CPT1A: variants seen among roughly 807,000 people sequenced by gnomAD.
CPT1A encodes the protein carnitine palmitoyltransferase 1A.
Under a neutral mutation model 100.8 loss-of-function variants are expected in CPT1A, and 64 were observed. That is an observed-to-expected ratio of 0.63 (90% CI 0.52 to 0.78). The LOEUF (loss-of-function observed/expected upper bound fraction) is 0.78. CPT1A is among the 30% of genes least tolerant of loss of function. The probability of loss-of-function intolerance (pLI) is 0.00; values close to 1 mark genes in which losing one functional copy is unlikely to be tolerated. For missense variants in CPT1A, 802 were observed against 1,034.1 expected, an observed-to-expected ratio of 0.78 and a Z score of 3.08; for synonymous variants, 363 against 396.0, an observed-to-expected ratio of 0.92 and a Z score of 0.99.
chr11:68,816,198 T>A (rs561485053), intron 1 of CPT1A, among the ~76,000 whole-genome samples: 1 of 151,692 alleles, frequency 6.6e-6, no homozygotes, highest in Non-Finnish European at 1.5e-5. Context: ...ACGACAGCCC[T>A]AGACTCTGAA....
chr11:68,794,944 T>C lies in CPT1A; in HGVS notation c.772-33A>G, dbSNP rs79345832. ...GCGACAAAGGTGGAGAGAATTTGCA[T>C]AGGGAAAGATAAGCAAATTTAAATA... On this transcript the variant is annotated intron_variant, in intron 7 of 18. Transcript: ENST00000265641. 3,437 of 1,549,182 alleles carry C rather than the reference T, an allele frequency of 2.2e-3. 56 individuals are homozygous for C. In the African/African-American group the frequency reaches 0.038, roughly 17 times the overall value.
Position 68,799,105 on chromosome 11 carries a change from G to A in CPT1A, c.693+113C>T. On this transcript the variant is annotated intron_variant, in intron 6 of 18. Coordinates refer to ENST00000265641, the MANE Select transcript of CPT1A (RefSeq NM_001876.4). ...AAAACTATAGCTGGAACTTCCTAGGGTGTGATTTTGGCTAATCCAAACTGT... is the reference window on the plus strand; with the variant it reads ...AAAACTATAGCTGGAACTTCCTAGGATGTGATTTTGGCTAATCCAAACTGT... The A allele has an allele frequency of 5.5e-6, 5 of 914,680 alleles. No homozygotes were observed. The South Asian group carries it at 6.9e-5, about 13-fold the overall frequency. 56.7% of individuals were successfully genotyped at this position (914,680 alleles called of 1,614,324 possible).
intron 1 of CPT1A, among the ~76,000 whole-genome samples, chr11:68,838,574 A>AAAAAAAAAAAAAAAC (rs1566394838): frequency 3.6e-5 from 5 of 138,650 alleles, no homozygotes; most frequent in Non-Finnish European, 7.7e-5. Context: ...CACCTTTTTA[A>AAAAAAAAAAAAAAAC]AAAAAAAAAA....
intron 9 of CPT1A, 53 bp from the exon 10 acceptor site, chr11:68,785,063 G>C: frequency 1.3e-6 from 2 of 1,532,068 alleles, no homozygotes; most frequent in Non-Finnish European, 1.8e-6. Context: ...AGTTCAGCAC[G>C]TGCTGAGACG....
intron 16 of CPT1A, 46 bp from the exon 17 acceptor site, chr11:68,760,384 G>A (rs117013033): frequency 1.5e-5 from 22 of 1,471,440 alleles, no homozygotes; most frequent in East Asian, 9.4e-5. Flanking sequence ...CTCCTCTACC[G>A]TCCCTCAGGA....
chr11:68,786,010 A>G, intron 9 of CPT1A: 2 of 702,378 alleles, frequency 2.8e-6, no homozygotes, highest in Non-Finnish European at 5.2e-6. Context: ...GGGGATGCAC[A>G]GTGACAGCTG....
Position 68,780,239 on chromosome 11 carries a change from G to A in CPT1A, c.1458+401C>T, listed in dbSNP as rs563553206. 5.9e-5 allele frequency among the ~76,000 whole-genome samples: 9 copies of A among 152,230 alleles called. No individual in the cohort carries two copies. In the East Asian group the frequency reaches 1.7e-3, roughly 29 times the overall value. ...TGAAAAATTCATATTCTATAATCAC[G>A]CAAATATTACAAAACTAAATTGACT... On this transcript the variant is annotated intron_variant, in intron 12 of 18. Coordinates refer to ENST00000265641, the MANE Select transcript of CPT1A (RefSeq NM_001876.4).
At chr11:68,772,520 G>A (rs534755883) in intron 14 of CPT1A, among the ~76,000 whole-genome samples, 3 of 151,950 alleles carry the variant, frequency 2.0e-5, no homozygotes, top group Non-Finnish European at 4.4e-5. Flanking sequence ...GTTGCCAGGT[G>A]CAAGCCAAAA....
chr11:68,766,645 C>A (rs896675147), intron 14 of CPT1A, among the ~76,000 whole-genome samples: 1 of 151,874 alleles, frequency 6.6e-6, no homozygotes, highest in Non-Finnish European at 1.5e-5. Flanking sequence ...GCCACCACGC[C>A]CAGCTAATTT....
chr11:68,809,965 G>A (rs1470042797), intron 3 of CPT1A, among the ~76,000 whole-genome samples: 1 of 152,202 alleles, frequency 6.6e-6, no homozygotes. Flanking sequence ...ATCACTTGAG[G>A]TCAGGAGTTC....
intron 5 of CPT1A, 85 bp downstream of exon 5, chr11:68,803,915 C>T (rs1855975475): frequency 7.5e-6 from 8 of 1,070,084 alleles, no homozygotes; most frequent in South Asian, 1.3e-5. Context: ...AGCCAAATGG[C>T]GGTGACCTAG....
chr11:68,778,023 GC>G (rs1855186991), intron 12 of CPT1A, among the ~76,000 whole-genome samples: 1 of 152,080 alleles, frequency 6.6e-6, no homozygotes, highest in South Asian at 2.1e-4. Flanking sequence ...AATATTGGCT[GC>G]TTTTTATCAG....
chr11:68,781,643 G>T, intron 11 of CPT1A, 128 bp downstream of exon 11: 1 of 894,616 alleles, frequency 1.1e-6, no homozygotes, highest in South Asian at 1.3e-5. Context: ...AAATAAAACT[G>T]AAGGTTATAT....
Position 68,790,610 on chromosome 11 carries a change from C to T in CPT1A, c.967+2705G>A, listed in dbSNP as rs546037167. On this transcript the variant is annotated intron_variant, in intron 9 of 18. Coordinates refer to ENST00000265641, the MANE Select transcript of CPT1A (RefSeq NM_001876.4). ...TCCCCCAGAGCCTTTGAAAAGAGCA[C>T]GGCCCTGCTGACACCTTGATCTCGG... Among the ~76,000 whole-genome samples the T allele has an allele frequency of 7.2e-4, 109 of 152,228 alleles. No individual in the cohort carries two copies. In the South Asian group the frequency reaches 0.021, roughly 30 times the overall value.
chr11:68,839,503 C>T, intron 1 of CPT1A: 1 of 985,322 alleles, frequency 1.0e-6, no homozygotes, highest in Non-Finnish European at 1.2e-6. Context: ...AGCGAGTTGG[C>T]GCGCGTCCCT....
In CPT1A at chr11:68,829,596, G is replaced by A. The variant is rs528146626; in HGVS notation, c.-14+12179C>T. 1.8e-3 allele frequency among the ~76,000 whole-genome samples: 267 copies of A among 152,296 alleles called. 3 individuals are homozygous for A. The highest frequency in any genetic ancestry group is 5.8e-3 in the African/African-American group (242 of 41,572). ...AAAATACAGAAAAATACAGATGGATGAAAAGGGAACTTAACCTCTCCCCTG... is the reference window on the plus strand; with the variant it reads ...AAAATACAGAAAAATACAGATGGATAAAAAGGGAACTTAACCTCTCCCCTG... On this transcript the variant is annotated intron_variant, in intron 1 of 18. Coordinates refer to ENST00000265641, the MANE Select transcript of CPT1A (RefSeq NM_001876.4).
chr11:68,783,106 G>A (rs1022918265), intron 10 of CPT1A, among the ~76,000 whole-genome samples: 3 of 152,042 alleles, frequency 2.0e-5, no homozygotes, highest in Admixed American at 6.6e-5. Flanking sequence ...AGCAGATACC[G>A]AACAACGCCG....
chr11:68,800,767 A>G (rs1855885725), intron 5 of CPT1A, among the ~76,000 whole-genome samples: 1 of 152,172 alleles, frequency 6.6e-6, no homozygotes, highest in Admixed American at 6.5e-5. Flanking sequence ...TGCAACAGTA[A>G]TCTCTCTATA....
intron 14 of CPT1A, among the ~76,000 whole-genome samples, chr11:68,770,646 C>G (rs991690389): frequency 3.3e-5 from 5 of 152,218 alleles, no homozygotes; most frequent in African/African-American, 1.2e-4. Context: ...TATCTAGGCT[C>G]TTCTCTGACC....
Sources: gnomAD v4.1 joint callset for allele counts (sites outside exome capture counted in the v4.1 genomes callset) on GRCh38, gnomAD v4.1.1 for gene constraint, MANE v1.5 for transcripts, NCBI Gene and HGNC (gene_info 2026-07-23, HGNC 2026-07-21) for gene names.